TASOR: variants seen among roughly 807,000 people sequenced by gnomAD.
TASOR encodes the protein protein TASOR.
TASOR carries 53 observed loss-of-function variants against 178.6 expected under a neutral mutation model. The observed-to-expected ratio is 0.30, with a 90% CI of 0.24 to 0.37. The LOEUF is 0.37. TASOR is among the 10% of genes least tolerant of loss of function. The pLI is 1.00. For synonymous variants in TASOR, 713 were observed against 696.2 expected (o/e 1.02, Z -0.38); for missense variants, 1,815 against 1,971.4 (o/e 0.92, Z 1.50).
chr3:56,663,249 T>G (rs2077637015), intron 8 of TASOR, among the ~76,000 whole-genome samples: 1 of 152,204 alleles, frequency 6.6e-6, no homozygotes, highest in Non-Finnish European at 1.5e-5. Context: ...TCTTCTCTAA[T>G]TCTAAGTCCT....
chr3:56,660,489 C>CAAA lies in TASOR; in HGVS notation c.1368+239_1368+241dup, dbSNP rs35016053. The stretch of plus-strand genomic sequence containing the variant: ...CTGGTGAGACAGCAAGACTCCGTCT[C>CAAA]AAAAAAAAAAAAAAAAAAAAGATAT... On this transcript the variant is annotated intron_variant, in intron 11 of 23. Transcript: ENST00000683822. Among the ~76,000 whole-genome samples the CAAA allele has an allele frequency of 1.7e-3, 113 of 65,988 alleles. 1 individual carries two copies. Among genetic ancestry groups the CAAA allele is most frequent in the Middle Eastern group, 7.9e-3 (1 of 126 alleles). The allele number at this position is 65,988 out of a possible 152,430, so 43.3% of individuals were successfully genotyped here.
intron 21 of TASOR, among the ~76,000 whole-genome samples, chr3:56,626,194 C>G (rs894993303): frequency 1.3e-5 from 2 of 152,082 alleles, no homozygotes; most frequent in Admixed American, 6.6e-5. Flanking sequence ...AATATAGTGT[C>G]CCAAACATGC....
Position 56,682,734 on chromosome 3 carries a change from C to T in TASOR, c.273G>A (p.Glu91=), listed in dbSNP as rs376896296. The T allele has an allele frequency of 3.3e-6, 5 of 1,511,184 alleles. No individual in the cohort carries two copies. The highest frequency in any genetic ancestry group is 4.4e-6 in the Non-Finnish European group (5 of 1,128,472). 93.6% of individuals were successfully genotyped at this position (1,511,184 alleles called of 1,614,324 possible). Residue 91 remains glutamate, a synonymous_variant, in exon 1 of 24, where the codon GAG becomes GAA. Coordinates refer to ENST00000683822, the MANE Select transcript of TASOR (RefSeq NM_001365635.2). ...GAAALPRGPE[E]PERPVRRSFQ... ...AACTCCTCCTAACAGGCCTTTCGGGCTCTTCGGGGCCTCTGGGCAGGGCGG... is the reference window on the plus strand; with the variant it reads ...AACTCCTCCTAACAGGCCTTTCGGGTTCTTCGGGGCCTCTGGGCAGGGCGG...
intron 17 of TASOR, among the ~76,000 whole-genome samples, chr3:56,637,347 C>T (rs1311038133): frequency 5.9e-5 from 9 of 152,154 alleles, no homozygotes; most frequent in African/African-American, 1.9e-4. Flanking sequence ...CAAGGTGAAA[C>T]CCTGTCTCTA....
chr3:56,658,405 C>T (rs147367535), intron 11 of TASOR, among the ~76,000 whole-genome samples: 84 of 152,208 alleles, frequency 5.5e-4, no homozygotes, highest in African/African-American at 2.0e-3. Flanking sequence ...CCTCATTGTC[C>T]GAATTCTCAA....
intron 7 of TASOR, among the ~76,000 whole-genome samples, chr3:56,664,975 G>A (rs62251228): frequency 0.043 from 6,566 of 152,264 alleles, 149 homozygotes; most frequent in East Asian, 0.091. Flanking sequence ...AGGAGTTTGA[G>A]ACCAGCCTGG....
At chr3:56,634,170 G>C (rs1055127736) in intron 17 of TASOR, among the ~76,000 whole-genome samples, 5 of 152,202 alleles carry the variant, frequency 3.3e-5, no homozygotes, top group African/African-American at 1.2e-4. Flanking sequence ...GTTGTAGCTA[G>C]TGTTAACAAC....
At chr3:56,662,205 G>A (rs192616917) in intron 9 of TASOR, among the ~76,000 whole-genome samples, 180 bp downstream of exon 9, 5 of 151,232 alleles carry the variant, frequency 3.3e-5, no homozygotes, top group African/African-American at 1.2e-4. Flanking sequence ...AGACAGAGAC[G>A]TAGAGGACTC....
chr3:56,625,070 C>A, intron 21 of TASOR, 64 bp from the exon 22 acceptor site: 1 of 1,513,272 alleles, frequency 6.6e-7, no homozygotes, highest in Non-Finnish European at 9.0e-7. Flanking sequence ...GAAATTTCTG[C>A]TTTAGATTAA....
At chr3:56,660,447 C>T (rs1189457569) in intron 11 of TASOR, among the ~76,000 whole-genome samples, 2 of 148,120 alleles carry the variant, frequency 1.4e-5, no homozygotes, top group Non-Finnish European at 3.0e-5. Context: ...GCCAAGATCA[C>T]GCCACTGTAC....
intron 23 of TASOR, among the ~76,000 whole-genome samples, 160 bp downstream of exon 23, chr3:56,624,319 T>C (rs893612528): frequency 2.6e-4 from 40 of 152,338 alleles, no homozygotes; most frequent in African/African-American, 9.4e-4. Flanking sequence ...ATCTTGTGCA[T>C]GCTAAGTATT....
chr3:56,645,861 G>C (rs145781846), intron 14 of TASOR, among the ~76,000 whole-genome samples: 4 of 152,212 alleles, frequency 2.6e-5, no homozygotes, highest in African/African-American at 9.6e-5. Context: ...AAAAATAAAG[G>C]AATATGGCCA....
At chr3:56,677,328 T>C (rs1351707981) in intron 1 of TASOR, among the ~76,000 whole-genome samples, 1 of 152,230 alleles carries the variant, frequency 6.6e-6, no homozygotes, top group Non-Finnish European at 1.5e-5. Flanking sequence ...CTCAGGGAAC[T>C]CAGTATTCAA....
chr3:56,627,439 G>T, intron 20 of TASOR, 143 bp downstream of exon 20: 1 of 919,752 alleles, frequency 1.1e-6, no homozygotes. Context: ...TCTAAGAGAA[G>T]GAGAAAGAAA....
intron 6 of TASOR, 84 bp from the exon 7 acceptor site, chr3:56,666,468 G>T: frequency 2.2e-5 from 25 of 1,138,410 alleles, no homozygotes; most frequent in Non-Finnish European, 2.8e-5. Flanking sequence ...CTGAGAAATA[G>T]AAAACCATAT....
In TASOR at chr3:56,683,065, GA is replaced by G; in HGVS notation, c.-60del. Reference sequence around the variant, plus strand: ...CCCACAAGGTCGACGGGTGTGGGGGGAAGGGGCGGCGGGCCAGTCTCGCCGC... The same window carrying G: ...CCCACAAGGTCGACGGGTGTGGGGGGAGGGGCGGCGGGCCAGTCTCGCCGC... On this transcript the variant is annotated 5_prime_UTR_variant, in exon 1 of 24. Transcript: ENST00000683822. The G allele has an allele frequency of 4.9e-6, 7 of 1,434,698 alleles. No homozygotes were observed. Among genetic ancestry groups the G allele is most frequent in the Non-Finnish European group, 6.4e-6 (7 of 1,089,480 alleles). The allele number at this position is 1,434,698 out of a possible 1,614,324, so 88.9% of individuals were successfully genotyped here.
chr3:56,621,946 C>A lies in TASOR; in HGVS notation c.*1091G>T. On this transcript the variant is annotated 3_prime_UTR_variant, in exon 24 of 24. Coordinates refer to ENST00000683822, the MANE Select transcript of TASOR (RefSeq NM_001365635.2). ...TGGGACCTCACAGTGTTCTTTCACA[C>A]TTTTTATGTAACTTAGGAACTGAAA... 1 of 160,132 alleles carries A rather than the reference C, an allele frequency of 6.2e-6. No individual in the cohort carries two copies. The highest frequency in any genetic ancestry group is 1.4e-5 in the Non-Finnish European group (1 of 73,180). 9.9% of individuals were successfully genotyped at this position (160,132 alleles called of 1,614,324 possible).
At chr3:56,669,357 G>A (rs1033421492) in intron 5 of TASOR, among the ~76,000 whole-genome samples, 5 of 151,970 alleles carry the variant, frequency 3.3e-5, no homozygotes, top group Non-Finnish European at 7.4e-5. Context: ...CAAAAAATTA[G>A]CCGGGCTTGG....
chr3:56,630,230 G>A (rs1422850284), intron 18 of TASOR, among the ~76,000 whole-genome samples: 1 of 152,058 alleles, frequency 6.6e-6, no homozygotes, highest in Admixed American at 6.6e-5. Context: ...CTCCCTGCTG[G>A]TAATCTTTGA....
Sources: allele counts gnomAD v4.1 joint callset (sites outside exome capture counted in the v4.1 genomes callset), GRCh38; gene constraint gnomAD v4.1.1; transcripts MANE v1.5; gene names NCBI Gene and HGNC (gene_info 2026-07-23, HGNC 2026-07-21).